HEATR9: variants seen among roughly 807,000 people sequenced by gnomAD.
The protein encoded by HEATR9 is HEAT repeat containing 9.
HEATR9 carries 54 observed loss-of-function variants against 68.2 expected under a neutral mutation model. The observed-to-expected ratio is 0.79, with a 90% CI of 0.64 to 0.99. The LOEUF is 0.99. HEATR9 is among the 50% of genes least tolerant of loss of function. The pLI, the probability that HEATR9 is intolerant of heterozygous loss-of-function variation, is 0.00. For synonymous variants in HEATR9, 241 were observed against 253.5 expected (o/e 0.95, Z 0.47); for missense variants, 662 against 679.7 (o/e 0.97, Z 0.29).
At position 35,855,700 on chromosome 17, in the gene HEATR9, T is replaced by C; in HGVS notation, c.1329A>G (p.Leu443=). The change falls in exon 14 of 15, where the codon TTA becomes TTG. Residue 443 remains leucine (L), a synonymous_variant. Coordinates refer to ENST00000604834, the MANE Select transcript of HEATR9 (RefSeq NM_152781.4). The stretch of plus-strand genomic sequence containing the variant: ...CAGCCTGGTGGTTTTCTGCATCTAG[T>C]AAGTCCAGGAGCAAGTGGAACACTT... ...SPQVFHLLLD[L]LDAENHQAVK... 1 of 1,614,078 alleles carries C rather than the reference T, an allele frequency of 6.2e-7. No homozygotes were observed.
At chr17:35,856,657 A>C (rs1039927080) in intron 12 of HEATR9, 75 bp downstream of exon 12, 1 of 1,332,412 alleles carries the variant, frequency 7.5e-7, no homozygotes, top group African/African-American at 1.5e-5. Context: ...ACCCCTTCCC[A>C]CTGACCCTCT....
chr17:35,858,499 C>G lies in HEATR9; in HGVS notation c.966G>C (p.Met322Ile). 6.2e-7 allele frequency: 1 copy of G among 1,613,402 alleles called. No homozygotes were observed. Among genetic ancestry groups the G allele is most frequent in the Non-Finnish European group, 8.5e-7 (1 of 1,179,968 alleles). The change falls in exon 10 of 15, where the codon ATG becomes ATC. Residue 322 changes from methionine to isoleucine, a missense_variant. By Grantham distance (10) the Met-to-Ile change is conservative. Transcript: ENST00000604834. ...MKALRMLVKV[M>I]HVHSAPVIKA... ...TGATGACTGGGGCTGAGTGCACGTG[C>G]ATCACCTTGACCAGCATCCTAAGTG... is the stretch of plus-strand genomic sequence containing the variant.
intron 6 of HEATR9, 178 bp from the exon 7 acceptor site, chr17:35,863,737 G>A (rs1489704981): frequency 4.5e-6 from 3 of 661,216 alleles, no homozygotes; most frequent in Non-Finnish European, 7.9e-6. Flanking sequence ...GAACAATACA[G>A]TTGGGAGTTA....
chr17:35,861,473 A>C, intron 8 of HEATR9: 3 of 1,470,508 alleles, frequency 2.0e-6, no homozygotes, highest in South Asian at 1.1e-5. Flanking sequence ...TTAGATTTAC[A>C]AAATCTGAAC....
rs1240415410 is a variant in HEATR9, at chr17:35,868,883, C to T, written c.-141G>A. Reference sequence around the variant, plus strand: ...GTGTCTGGACTTCTGGAGGTAGAAGCTTCCAAGTGCTAAGCGACCAGGTTA... The same window carrying T: ...GTGTCTGGACTTCTGGAGGTAGAAGTTTCCAAGTGCTAAGCGACCAGGTTA... On this transcript the variant is annotated 5_prime_UTR_variant, in exon 1 of 15. Transcript: ENST00000604834. The T allele has an allele frequency of 7.5e-6, 5 of 666,604 alleles. No homozygotes were observed. In the East Asian group the frequency reaches 1.3e-4, roughly 18 times the overall value. The allele number at this position is 666,604 out of a possible 1,614,324, so 41.3% of individuals were successfully genotyped here. A position where few individuals can be genotyped will look rare whatever the true frequency, so the allele number is the denominator to read the frequency against.
intron 8 of HEATR9, 106 bp from the exon 9 acceptor site, chr17:35,859,176 C>T: frequency 4.0e-6 from 4 of 1,005,942 alleles, no homozygotes; most frequent in Non-Finnish European, 5.9e-6. Context: ...TCTTGTGCAT[C>T]AGATTATTTC....
At chr17:35,856,620 A>C (rs1180469637) in intron 12 of HEATR9, 112 bp downstream of exon 12, 1 of 943,912 alleles carries the variant, frequency 1.1e-6, no homozygotes, top group Non-Finnish European at 1.6e-6. Context: ...GCTGCACTGT[A>C]GGTTCTCAGC....
At position 35,865,282 on chromosome 17, in the gene HEATR9, C is replaced by G; in HGVS notation, c.253G>C (p.Asp85His). ...KKPEIYTHWHDLYDQREEREA... is the reference protein window; with the variant it reads ...KKPEIYTHWHHLYDQREEREA... ...CTTTCCTCTCGCTGATCATACAGGT[C>G]GTGCCAGTGCGTGTAGATCTCAGGT... Residue 85 changes from aspartate to histidine, a missense_variant, in exon 3 of 15, where the codon GAC becomes CAC. Asp to His is a moderately conservative substitution (Grantham distance 81). Transcript: ENST00000604834. 1 of 1,613,978 alleles carries G rather than the reference C, an allele frequency of 6.2e-7. No homozygotes were observed. The highest frequency in any genetic ancestry group is 8.5e-7 in the Non-Finnish European group (1 of 1,179,966).
intron 8 of HEATR9, among the ~76,000 whole-genome samples, chr17:35,861,917 G>GGC (rs1255766750): frequency 2.0e-5 from 3 of 151,336 alleles, no homozygotes; most frequent in African/African-American, 7.3e-5. Flanking sequence ...GGAGTGCAAT[G>GGC]GCGCGATCTT....
intron 1 of HEATR9, 37 bp downstream of exon 1, chr17:35,868,618 C>G: frequency 1.9e-6 from 3 of 1,613,772 alleles, no homozygotes; most frequent in Non-Finnish European, 2.5e-6. Context: ...TTTCAGTCCC[C>G]TGCTCTTGGC....
intron 1 of HEATR9, chr17:35,868,417 TG>T: frequency 1.7e-6 from 1 of 599,738 alleles, no homozygotes; most frequent in Non-Finnish European, 2.7e-6. Context: ...GGTACAGGTG[TG>T]GGAGCAGAAG....
Position 35,858,293 on chromosome 17 carries a change from G to C in HEATR9, c.1059C>G (p.Leu353=), listed in dbSNP as rs2087849527. The change falls in exon 11 of 15, where the codon CTC becomes CTG. Residue 353 remains leucine, a synonymous_variant. Transcript: ENST00000604834. ...GGATCTGTTCCAGCCCAATGGTCTT[G>C]AGCATTTGGGTGGCTTCAAAGCGGT... is the stretch of plus-strand genomic sequence containing the variant. ...LEDRFEATQM[L]KTIGLEQIQA... is the part of the protein sequence containing the mutation. 1 of 1,614,190 alleles carries C rather than the reference G, an allele frequency of 6.2e-7. No homozygotes were observed. Among genetic ancestry groups the C allele is most frequent in the African/African-American group, 1.3e-5 (1 of 75,056 alleles).
intron 7 of HEATR9, 101 bp from the exon 8 acceptor site, chr17:35,863,226 A>G: frequency 2.0e-6 from 3 of 1,476,300 alleles, no homozygotes; most frequent in Non-Finnish European, 2.8e-6. Context: ...CTAAGTTCCA[A>G]GTCCTAGGTA....
At chr17:35,867,891 G>A (rs560818667) in intron 1 of HEATR9, among the ~76,000 whole-genome samples, 1 of 151,996 alleles carries the variant, frequency 6.6e-6, no homozygotes, top group Admixed American at 6.6e-5. Context: ...AGTGGTTCTC[G>A]TACCTCAGCC....
rs2088304374 is a variant in HEATR9 at position 35,868,856 on chromosome 17, A to T, written c.-114T>A. 50 of 850,560 alleles carry T rather than the reference A, an allele frequency of 5.9e-5. No individual in the cohort carries two copies. Among genetic ancestry groups the T allele is most frequent in the East Asian group, 2.2e-4 (8 of 37,098 alleles). The allele number at this position is 850,560 out of a possible 1,614,324, so 52.7% of individuals were successfully genotyped here. A position where few individuals can be genotyped will look rare whatever the true frequency, so the allele number is the denominator to read the frequency against. ...CTCTGTGGTACGAGAGGTACAGGGG[A>T]GGTGTCTGGACTTCTGGAGGTAGAA... On this transcript the variant is annotated 5_prime_UTR_variant, in exon 1 of 15. Coordinates refer to ENST00000604834, the MANE Select transcript of HEATR9 (RefSeq NM_152781.4).
At chr17:35,860,599 C>T (rs1056251139) in intron 8 of HEATR9, among the ~76,000 whole-genome samples, 2 of 149,894 alleles carry the variant, frequency 1.3e-5, no homozygotes, top group East Asian at 2.1e-4. Context: ...ACGCCATTCT[C>T]CTGCCTCAGC....
At chr17:35,861,083 G>A (rs1270367164) in intron 8 of HEATR9, 2 of 922,434 alleles carry the variant, frequency 2.2e-6, no homozygotes, top group African/African-American at 3.2e-5. Flanking sequence ...TTTTAAAGAA[G>A]CATCCTCTTG....
At chr17:35,861,229 T>C in intron 8 of HEATR9, 5 of 1,577,852 alleles carry the variant, frequency 3.2e-6, no homozygotes, top group Non-Finnish European at 4.3e-6. Context: ...TTTATTTTTC[T>C]ACAATCTGTT....
In HEATR9 at chr17:35,855,177, C is replaced by T. The variant is rs140113706; in HGVS notation, c.1599G>A (p.Thr533=). Residue 533 remains threonine (T), a synonymous_variant, in exon 15 of 15, where the codon ACG becomes ACA. Transcript: ENST00000604834. ...TCGAGCAGCACGGTGGGAAAGCAGG[C>T]GTTTTCTTTTGGCCTACTTTGGTGA... ...KSITKVGQKK[T]PAFPPCCSKP... 1.2e-4 allele frequency: 197 copies of T among 1,613,984 alleles called. No homozygotes were observed. Among genetic ancestry groups the T allele is most frequent in the Non-Finnish European group, 1.5e-4 (178 of 1,180,026 alleles).
Sources: allele counts gnomAD v4.1 joint callset (sites outside exome capture counted in the v4.1 genomes callset), GRCh38; gene constraint gnomAD v4.1.1; transcripts MANE v1.5; gene names NCBI Gene and HGNC (gene_info 2026-07-23, HGNC 2026-07-21).